Variants in NAV3 observed in about 807,000 individuals in gnomAD.
NAV3 encodes neuron navigator 3.
A neutral mutation model predicts 244.7 loss-of-function variants in NAV3; 87 were observed. The ratio of observed to expected loss-of-function variants is 0.36; its 90% CI spans 0.30 to 0.42. The LOEUF (loss-of-function observed/expected upper bound fraction) is 0.42, where lower values mean the gene tolerates loss of function less well. Ranked by LOEUF, NAV3 falls within the 20% of genes least tolerant of loss-of-function variation. The pLI, the probability that NAV3 is intolerant of heterozygous loss-of-function variation, is 1.00. For missense variants in NAV3, 2,663 were observed against 2,893.3 expected (o/e 0.92, Z 1.83); for synonymous variants, 1,126 against 1,042.2 (o/e 1.08, Z -1.55).
intron 12 of NAV3, among the ~76,000 whole-genome samples, chr12:78,102,358 A>G (rs750246701): frequency 6.6e-6 from 1 of 152,246 alleles, no homozygotes; most frequent in Non-Finnish European, 1.5e-5. Flanking sequence ...CATCCAGGAC[A>G]TGCTGATGCA....
At chr12:77,655,016 G>A (rs1365737851) in intron 2 of NAV3, among the ~76,000 whole-genome samples, 1 of 151,632 alleles carries the variant, frequency 6.6e-6, no homozygotes, top group Non-Finnish European at 1.5e-5. Flanking sequence ...GGAAAAAACA[G>A]AGCAGAAAAA....
chr12:77,686,331 G>T (rs1428905262), intron 2 of NAV3, among the ~76,000 whole-genome samples: 1 of 151,798 alleles, frequency 6.6e-6, no homozygotes, highest in Non-Finnish European at 1.5e-5. Context: ...GACCTCAGGT[G>T]ATCTGCTTGC....
intron 2 of NAV3, among the ~76,000 whole-genome samples, chr12:77,705,082 A>G (rs1015621886): frequency 5.3e-5 from 8 of 152,208 alleles, no homozygotes; most frequent in African/African-American, 1.9e-4. Context: ...CATGTATTGT[A>G]TTAATCAAGA....
chr12:78,140,207 A>G, intron 19 of NAV3, 75 bp from the exon 20 acceptor site: 1 of 1,230,938 alleles, frequency 8.1e-7, no homozygotes, highest in South Asian at 1.2e-5. Flanking sequence ...CCCGTTCTTT[A>G]CTTTTTCTGT....
At chr12:77,686,989 A>G (rs1426827707) in intron 2 of NAV3, among the ~76,000 whole-genome samples, 1 of 152,114 alleles carries the variant, frequency 6.6e-6, no homozygotes, top group Non-Finnish European at 1.5e-5. Flanking sequence ...TTTTTCCATA[A>G]CAATCTTTAC....
Position 78,119,573 on chromosome 12 carries a change from A to C in NAV3, c.3377A>C (p.His1126Pro). The change falls in exon 15 of 40, where the codon CAT (histidine) becomes CCT (proline). Residue 1126 changes from histidine to proline, a missense_variant. Physicochemically the swap from His to Pro is moderately conservative, Grantham distance 77. Around this residue, in one of 6 missense-constraint regions of NAV3, gnomAD observed 1,521 missense variants for 1,497.0 expected, o/e 1.02. Transcript: ENST00000397909. Reference sequence around the variant, plus strand: ...CAGAATCAGGATGATGTTGTGCTGCATGTTAGCTCAAAGACTACCCTACAA... The same window carrying C: ...CAGAATCAGGATGATGTTGTGCTGCCTGTTAGCTCAAAGACTACCCTACAA... ...GSQNQDDVVL[H>P]VSSKTTLQYR... 6.2e-7 allele frequency: 1 copy of C among 1,614,204 alleles called. No homozygotes were observed. The highest frequency in any genetic ancestry group is 1.1e-5 in the South Asian group (1 of 91,086).
At chr12:78,046,586 G>A (rs921216771) in intron 9 of NAV3, among the ~76,000 whole-genome samples, 2 of 152,178 alleles carry the variant, frequency 1.3e-5, no homozygotes, top group African/African-American at 4.8e-5. Flanking sequence ...TTGCACTCTG[G>A]TCTGAGAGAC....
chr12:78,046,450 C>G (rs1881809958), intron 9 of NAV3, among the ~76,000 whole-genome samples: 1 of 152,166 alleles, frequency 6.6e-6, no homozygotes, highest in Non-Finnish European at 1.5e-5. Flanking sequence ...TCATTGGTTT[C>G]AAATAACTTA....
At chr12:77,979,965 T>C (rs1869261733) in intron 5 of NAV3, among the ~76,000 whole-genome samples, 1 of 151,872 alleles carries the variant, frequency 6.6e-6, no homozygotes, top group East Asian at 1.9e-4. Context: ...CAACTAAAAT[T>C]AGGGGTTTAT....
intron 1 of NAV3, among the ~76,000 whole-genome samples, chr12:77,878,586 G>C (rs1421599091): frequency 6.6e-6 from 1 of 151,540 alleles, no homozygotes; most frequent in Non-Finnish European, 1.5e-5. Flanking sequence ...ACATAAGATA[G>C]ATATGTAATA....
chr12:77,956,624 C>A (rs1203613575), intron 3 of NAV3, among the ~76,000 whole-genome samples: 1 of 152,146 alleles, frequency 6.6e-6, no homozygotes, highest in Non-Finnish European at 1.5e-5. Flanking sequence ...CTGGAGCGAT[C>A]ACTTCTCAAG....
intron 8 of NAV3, among the ~76,000 whole-genome samples, chr12:78,018,702 G>C (rs1876642321): frequency 6.6e-6 from 1 of 152,204 alleles, no homozygotes; most frequent in Non-Finnish European, 1.5e-5. Flanking sequence ...GTTCAACAAG[G>C]TGCTGTGTCT....
chr12:78,088,062 A>G (rs1352860324), intron 12 of NAV3, among the ~76,000 whole-genome samples: 1 of 150,864 alleles, frequency 6.6e-6, no homozygotes, highest in Non-Finnish European at 1.5e-5. Flanking sequence ...TATACATGAT[A>G]TATCTCATAT....
chr12:77,857,491 TA>T (rs1375722133), intron 1 of NAV3, among the ~76,000 whole-genome samples: 2 of 151,952 alleles, frequency 1.3e-5, no homozygotes, highest in Non-Finnish European at 2.9e-5. Context: ...TTTTCCTAAC[TA>T]AAATAAAAAT....
chr12:78,100,374 C>A (rs187909378), intron 12 of NAV3, among the ~76,000 whole-genome samples: 138 of 151,978 alleles, frequency 9.1e-4, no homozygotes, highest in African/African-American at 3.2e-3. Context: ...ACACTTTCCC[C>A]AAAATTGTTT....
chr12:77,701,377 T>A (rs1875554775), intron 2 of NAV3, among the ~76,000 whole-genome samples: 1 of 151,976 alleles, frequency 6.6e-6, no homozygotes. Flanking sequence ...TGAACATATT[T>A]GGCAGTGTTT....
chr12:78,118,924 C>A lies in NAV3; in HGVS notation c.3041-313C>A, dbSNP rs548728431. Among the ~76,000 whole-genome samples the A allele has an allele frequency of 2.5e-3, 374 of 152,262 alleles. 4 individuals carry two copies. Among genetic ancestry groups the A allele is most frequent in the Non-Finnish European group, 3.4e-3 (228 of 68,014 alleles). Reference sequence around the variant, plus strand: ...CATCTCACAGATATTCAAATGAATTCTTTTTCTAGTAATTAGCTTGATAGG... The same window carrying A: ...CATCTCACAGATATTCAAATGAATTATTTTTCTAGTAATTAGCTTGATAGG... On this transcript the variant is annotated intron_variant, in intron 14 of 39. Coordinates refer to ENST00000397909, the MANE Select transcript of NAV3 (RefSeq NM_001024383.2).
chr12:78,010,525 A>G (rs1252427280), intron 8 of NAV3, among the ~76,000 whole-genome samples: 1 of 152,144 alleles, frequency 6.6e-6, no homozygotes, highest in African/African-American at 2.4e-5. Flanking sequence ...AGAAGCAGAG[A>G]TATTAAGTCA....
chr12:78,175,160 T>C, intron 24 of NAV3, 146 bp from the exon 25 acceptor site: 1 of 764,798 alleles, frequency 1.3e-6, no homozygotes, highest in Non-Finnish European at 2.0e-6. Flanking sequence ...TTTATTAAAC[T>C]TCTAAAGTCA....
Sources: gnomAD v4.1 joint callset for allele counts (sites outside exome capture counted in the v4.1 genomes callset) on GRCh38, gnomAD v4.1.1 for gene constraint, gnomAD v4.1.1 regional missense constraint, MANE v1.5 for transcripts, NCBI Gene and HGNC (gene_info 2026-07-23, HGNC 2026-07-21) for gene names.